RAPGEF5: variants seen among roughly 807,000 people sequenced by gnomAD.
The protein encoded by RAPGEF5 is Rap guanine nucleotide exchange factor 5, also known as M-Ras-regulated GEF.
A neutral mutation model predicts 125.2 loss-of-function variants in RAPGEF5; 65 were observed. That is an observed-to-expected ratio of 0.52 (90% CI 0.43 to 0.64). RAPGEF5 has a LOEUF of 0.64. Ranked by LOEUF, RAPGEF5 falls within the 30% of genes least tolerant of loss-of-function variation. The pLI is 0.00. For synonymous variants in RAPGEF5, 391 were observed against 385.9 expected, an observed-to-expected ratio of 1.01 and a Z score of -0.16; for missense variants, 958 against 1,048.1, an observed-to-expected ratio of 0.91 and a Z score of 1.19.
intron 6 of RAPGEF5, among the ~76,000 whole-genome samples, chr7:22,286,038 C>T (rs898965583): frequency 6.6e-6 from 1 of 152,162 alleles, no homozygotes. Context: ...TTTTCTCAAC[C>T]CCATGGATCT....
intron 6 of RAPGEF5, among the ~76,000 whole-genome samples, chr7:22,268,384 T>C (rs528198123): frequency 6.6e-6 from 1 of 152,356 alleles, no homozygotes; most frequent in East Asian, 1.9e-4. Flanking sequence ...ACAGAAGTGA[T>C]GAATGACCAC....
rs184420257 is a variant in RAPGEF5 at position 22,253,076 on chromosome 7, A to T, written c.796+13888T>A. ...GTCAGCAAGCAGGGACAGAAGAACG[A>T]TCTCTGGAAATGTTAGAACAATGAG... On this transcript the variant is annotated intron_variant, in intron 7 of 25. Coordinates refer to ENST00000665637, the MANE Select transcript of RAPGEF5 (RefSeq NM_012294.5). 6.6e-4 allele frequency among the ~76,000 whole-genome samples: 101 copies of T among 152,250 alleles called. 1 individual carries two copies. The East Asian group carries it at 0.018, about 28-fold the overall frequency.
At chr7:22,194,377 G>A (rs1785095984) in intron 9 of RAPGEF5, among the ~76,000 whole-genome samples, 1 of 152,160 alleles carries the variant, frequency 6.6e-6, no homozygotes, top group Non-Finnish European at 1.5e-5. Context: ...CATACTAATT[G>A]CATGTATACT....
chr7:22,244,464 C>G (rs1786425321), intron 7 of RAPGEF5, among the ~76,000 whole-genome samples: 1 of 151,856 alleles, frequency 6.6e-6, no homozygotes, highest in African/African-American at 2.4e-5. Context: ...AAGCGTGAAC[C>G]CTATTGTGAA....
chr7:22,251,775 CAAAA>C lies in RAPGEF5; in HGVS notation c.796+15185_796+15188del, dbSNP rs58681076. 5.8e-3 allele frequency among the ~76,000 whole-genome samples: 425 copies of C among 73,348 alleles called. 2 individuals are homozygous for C. Among genetic ancestry groups the C allele is most frequent in the African/African-American group, 0.02 (384 of 19,232 alleles). 48.1% of individuals were successfully genotyped at this position (73,348 alleles called of 152,430 possible). On this transcript the variant is annotated intron_variant, in intron 7 of 25. Coordinates refer to ENST00000665637, the MANE Select transcript of RAPGEF5 (RefSeq NM_012294.5). ...GAGCCCTGCCAGGAAGTTTCATTGA[CAAAA>C]AAAAAAAAAAAAAAAAAAAAGTGGA...
intron 9 of RAPGEF5, among the ~76,000 whole-genome samples, chr7:22,201,227 G>C (rs1403162858): frequency 6.6e-6 from 1 of 152,244 alleles, no homozygotes; most frequent in Non-Finnish European, 1.5e-5. Flanking sequence ...AAGGAAGCCA[G>C]ACAGAGGTAG....
intron 7 of RAPGEF5, among the ~76,000 whole-genome samples, chr7:22,253,938 A>T (rs1786685679): frequency 1.3e-5 from 2 of 152,256 alleles, no homozygotes; most frequent in Non-Finnish European, 2.9e-5. Context: ...TTATAAGACC[A>T]TAAAAGCAGA....
At chr7:22,283,317 A>G (rs1454010976) in intron 6 of RAPGEF5, among the ~76,000 whole-genome samples, 1 of 152,226 alleles carries the variant, frequency 6.6e-6, no homozygotes, top group African/African-American at 2.4e-5. Flanking sequence ...CAGTATCCAC[A>G]TAAAGTGTCA....
rs113022795 is a variant in RAPGEF5 at position 22,156,302 on chromosome 7, G to A, written c.1636+508C>T. Among the ~76,000 whole-genome samples, 450 of 152,354 alleles carry A rather than the reference G, an allele frequency of 3.0e-3. 4 individuals carry two copies. The highest frequency in any genetic ancestry group is 0.01 in the African/African-American group (429 of 41,580). ...TATTTCACGCAAATAAGCAGTGACTGAGGACACAGTAGATGGGCAGCACTG... is the reference window on the plus strand; with the variant it reads ...TATTTCACGCAAATAAGCAGTGACTAAGGACACAGTAGATGGGCAGCACTG... On this transcript the variant is annotated intron_variant, in intron 16 of 25. Transcript: ENST00000665637.
chr7:22,203,137 T>C (rs1277722160), intron 9 of RAPGEF5, among the ~76,000 whole-genome samples: 1 of 152,126 alleles, frequency 6.6e-6, no homozygotes, highest in African/African-American at 2.4e-5. Context: ...TATGTGCTAC[T>C]GAGAGGCAGA....
At chr7:22,326,442 T>C (rs959218784) in intron 1 of RAPGEF5, among the ~76,000 whole-genome samples, 4 of 152,216 alleles carry the variant, frequency 2.6e-5, no homozygotes, top group Non-Finnish European at 5.9e-5. Flanking sequence ...AGTTACATAA[T>C]GGCCATCAAA....
chr7:22,316,487 ATAT>A (rs1293523015), intron 2 of RAPGEF5, among the ~76,000 whole-genome samples: 38 of 34,130 alleles, frequency 1.1e-3, no homozygotes, highest in African/African-American at 4.3e-3. Flanking sequence ...ATATATATAT[ATAT>A]TTTTTTTTTT....
At chr7:22,205,883 T>C (rs1345136683) in intron 9 of RAPGEF5, among the ~76,000 whole-genome samples, 1 of 152,234 alleles carries the variant, frequency 6.6e-6, no homozygotes, top group South Asian at 2.1e-4. Flanking sequence ...CTGTCCTGTA[T>C]CAACACCATT....
At chr7:22,300,007 A>G (rs1411110074) in intron 5 of RAPGEF5, among the ~76,000 whole-genome samples, 1 of 152,114 alleles carries the variant, frequency 6.6e-6, no homozygotes, top group Non-Finnish European at 1.5e-5. Context: ...TCTTGAATCT[A>G]CAGATTTGTC....
intron 18 of RAPGEF5, among the ~76,000 whole-genome samples, chr7:22,148,677 A>G (rs1365145339): frequency 2.0e-5 from 3 of 152,136 alleles, no homozygotes; most frequent in African/African-American, 4.8e-5. Context: ...CACAGCACCT[A>G]TTTATTCCAT....
intron 18 of RAPGEF5, 56 bp from the exon 19 acceptor site, chr7:22,147,075 T>C (rs2128105930): frequency 2.5e-6 from 4 of 1,583,248 alleles, no homozygotes; most frequent in Non-Finnish European, 3.4e-6. Context: ...TTGCACTGCA[T>C]TGGCTGGCTG....
intron 9 of RAPGEF5, among the ~76,000 whole-genome samples, chr7:22,209,779 A>G (rs1160249468): frequency 6.6e-6 from 1 of 152,170 alleles, no homozygotes; most frequent in East Asian, 1.9e-4. Flanking sequence ...TTAGGGCCTC[A>G]CAAAATCTAA....
At chr7:22,236,732 C>T (rs1416753436) in intron 7 of RAPGEF5, among the ~76,000 whole-genome samples, 1 of 152,198 alleles carries the variant, frequency 6.6e-6, no homozygotes, top group Non-Finnish European at 1.5e-5. Flanking sequence ...AGTTCCATCC[C>T]CAGAATGGAA....
chr7:22,136,361 A>G (rs1783079349), intron 22 of RAPGEF5, among the ~76,000 whole-genome samples: 1 of 152,170 alleles, frequency 6.6e-6, no homozygotes, highest in Non-Finnish European at 1.5e-5. Context: ...ACCGCAAATG[A>G]GAGACATCTT....
Sources: gnomAD v4.1 joint callset for allele counts (sites outside exome capture counted in the v4.1 genomes callset) on GRCh38, gnomAD v4.1.1 for gene constraint, MANE v1.5 for transcripts, NCBI Gene and HGNC (gene_info 2026-07-23, HGNC 2026-07-21) for gene names.